Variants in CNTN1 observed in about 807,000 individuals in gnomAD.
The protein encoded by CNTN1 is contactin 1, also known as contactin-1.
CNTN1 carries 38 observed loss-of-function variants against 126.4 expected under a neutral mutation model. The observed-to-expected ratio is 0.30, with a 90% CI of 0.23 to 0.39. The LOEUF is 0.39. Among genes scored for constraint, CNTN1 ranks in the 10% least tolerant of loss-of-function variants. The pLI is 1.00. For missense variants in CNTN1, 1,009 were observed against 1,248.4 expected (o/e 0.81, Z 2.89); for synonymous variants, 413 against 422.6 (o/e 0.98, Z 0.28).
chr12:40,987,930 G>C (rs972975873), intron 16 of CNTN1, among the ~76,000 whole-genome samples: 1 of 146,640 alleles, frequency 6.8e-6, no homozygotes, highest in African/African-American at 2.5e-5. Context: ...TTGTAGGACA[G>C]TATCCTTTTT....
At chr12:40,847,353 T>C (rs927621324) in intron 1 of CNTN1, among the ~76,000 whole-genome samples, 2 of 152,192 alleles carry the variant, frequency 1.3e-5, no homozygotes, top group Non-Finnish European at 2.9e-5. Flanking sequence ...TATTAAAGTA[T>C]CTTAAACTTG....
intron 1 of CNTN1, among the ~76,000 whole-genome samples, chr12:40,738,934 T>G (rs1323854648): frequency 6.6e-6 from 1 of 152,046 alleles, no homozygotes; most frequent in Non-Finnish European, 1.5e-5. Context: ...TCACAGAAGA[T>G]TCATAGATTC....
In CNTN1 at chr12:40,971,677, T is replaced by A. The variant is rs554094685; in HGVS notation, c.1805-9232T>A. 4.2e-5 allele frequency: 60 copies of A among 1,427,718 alleles called. No individual in the cohort carries two copies. In the East Asian group the frequency reaches 1.5e-3, roughly 37 times the overall value. The allele number at this position is 1,427,718 out of a possible 1,614,324, so 88.4% of individuals were successfully genotyped here. ...CATGTAAACATACTTTGGGCATAAA[T>A]ATTTTTTAAAATATAACTATAATGC... is the stretch of plus-strand genomic sequence containing the variant. On this transcript the variant is annotated intron_variant, in intron 15 of 23. Coordinates refer to ENST00000551295, the MANE Select transcript of CNTN1 (RefSeq NM_001843.4).
At chr12:40,810,750 C>T (rs948876124) in intron 1 of CNTN1, among the ~76,000 whole-genome samples, 1 of 152,132 alleles carries the variant, frequency 6.6e-6, no homozygotes, top group Non-Finnish European at 1.5e-5. Context: ...GGAATAGTGG[C>T]TCATGCCTAT....
In CNTN1 at chr12:41,072,088, A is replaced by T. The variant is rs887475620; in HGVS notation, c.*2053A>T. The T allele has an allele frequency of 1.3e-4, 20 of 152,246 alleles. No homozygotes were observed. The highest frequency in any genetic ancestry group is 4.3e-4 in the African/African-American group (18 of 41,468). 9.4% of individuals were successfully genotyped at this position (152,246 alleles called of 1,614,324 possible). A position where few individuals can be genotyped will look rare whatever the true frequency, so the allele number is the denominator to read the frequency against. On this transcript the variant is annotated 3_prime_UTR_variant, in exon 24 of 24. Coordinates refer to ENST00000551295, the MANE Select transcript of CNTN1 (RefSeq NM_001843.4). Reference sequence around the variant, plus strand: ...GTAGTTTAAAATCTCTCGTACACTGATAACTCAAGCTTTTCATTTTCTCAT... The same window carrying T: ...GTAGTTTAAAATCTCTCGTACACTGTTAACTCAAGCTTTTCATTTTCTCAT...
At chr12:40,975,500 C>A (rs139028320) in intron 15 of CNTN1, among the ~76,000 whole-genome samples, 142 of 151,426 alleles carry the variant, frequency 9.4e-4, no homozygotes, top group African/African-American at 3.4e-3. Context: ...CTTTGAAGAA[C>A]CCCCAAGGTA....
At chr12:40,968,758 A>C (rs575441857) in intron 15 of CNTN1, among the ~76,000 whole-genome samples, 1 of 152,298 alleles carries the variant, frequency 6.6e-6, no homozygotes, top group East Asian at 1.9e-4. Context: ...ATTTTCAACT[A>C]TCAGTTATAA....
intron 19 of CNTN1, among the ~76,000 whole-genome samples, chr12:41,019,683 G>A (rs1003019405): frequency 2.0e-5 from 3 of 152,110 alleles, no homozygotes; most frequent in African/African-American, 7.2e-5. Context: ...TTGATGCCCA[G>A]TTGGAAGATT....
intron 17 of CNTN1, among the ~76,000 whole-genome samples, chr12:41,002,266 C>T (rs1083206): frequency 0.068 from 10,377 of 152,054 alleles, 730 homozygotes; most frequent in African/African-American, 0.18. Flanking sequence ...TTTCTATCCA[C>T]GAGCATGGAA....
At chr12:40,832,540 T>C (rs1229648469) in intron 1 of CNTN1, among the ~76,000 whole-genome samples, 7 of 152,132 alleles carry the variant, frequency 4.6e-5, no homozygotes, top group African/African-American at 1.7e-4. Flanking sequence ...TAGGTTTGCG[T>C]TAAGTACACT....
At chr12:40,860,706 C>T (rs1943085951) in intron 1 of CNTN1, among the ~76,000 whole-genome samples, 1 of 152,134 alleles carries the variant, frequency 6.6e-6, no homozygotes. Flanking sequence ...CATACTCTCT[C>T]TAGGCATGCC....
At chr12:40,960,022 T>C (rs1278421131) in intron 15 of CNTN1, among the ~76,000 whole-genome samples, 2 of 152,116 alleles carry the variant, frequency 1.3e-5, no homozygotes, top group Non-Finnish European at 2.9e-5. Flanking sequence ...TCCTTCCATG[T>C]CTTTTTCTCA....
At chr12:40,746,322 T>A (rs1030043173) in intron 1 of CNTN1, among the ~76,000 whole-genome samples, 10 of 152,112 alleles carry the variant, frequency 6.6e-5, no homozygotes, top group African/African-American at 2.2e-4. Flanking sequence ...TATTATTCAC[T>A]AAAGAATCAA....
In CNTN1 at chr12:40,914,326, C is replaced by T. The variant is rs145323633; in HGVS notation, c.94+4221C>T. 4.4e-3 allele frequency among the ~76,000 whole-genome samples: 671 copies of T among 152,146 alleles called. 2 individuals carry two copies. The highest frequency in any genetic ancestry group is 0.01 in the South Asian group (49 of 4,808). ...AGCACCCTAGTTGAGCTAGCGTGGT[C>T]GGAAACTAAGGTACAGCCTGCGAGG... On this transcript the variant is annotated intron_variant, in intron 3 of 23. Transcript: ENST00000551295.
chr12:40,914,348 G>A (rs528989908), intron 3 of CNTN1, among the ~76,000 whole-genome samples: 7 of 152,264 alleles, frequency 4.6e-5, no homozygotes, highest in East Asian at 1.9e-4. Context: ...TACAGCCTGC[G>A]AGGGAGACAT....
chr12:40,973,833 A>G (rs1398394823), intron 15 of CNTN1, among the ~76,000 whole-genome samples: 1 of 152,178 alleles, frequency 6.6e-6, no homozygotes, highest in African/African-American at 2.4e-5. Flanking sequence ...GGGTGTAGTC[A>G]CAGCTACTTT....
chr12:40,876,704 A>C (rs73275609), intron 1 of CNTN1, among the ~76,000 whole-genome samples: 8,394 of 152,208 alleles, frequency 0.055, 407 homozygotes, highest in African/African-American at 0.13. Flanking sequence ...ATATGTATAT[A>C]TAATAACTTT....
intron 6 of CNTN1, among the ~76,000 whole-genome samples, chr12:40,926,158 T>C (rs1423103196): frequency 7.9e-6 from 1 of 126,110 alleles, no homozygotes; most frequent in African/African-American, 3.0e-5. Flanking sequence ...CCATGTTAGA[T>C]ATTGCTAAAT....
At chr12:40,739,504 T>C (rs988239586) in intron 1 of CNTN1, among the ~76,000 whole-genome samples, 1 of 152,110 alleles carries the variant, frequency 6.6e-6, no homozygotes, top group African/African-American at 2.4e-5. Context: ...ATTCAAATTG[T>C]ATATCATATG....
Sources: gnomAD v4.1 joint callset for allele counts (sites outside exome capture counted in the v4.1 genomes callset) on GRCh38, gnomAD v4.1.1 for gene constraint, MANE v1.5 for transcripts, NCBI Gene and HGNC (gene_info 2026-07-23, HGNC 2026-07-21) for gene names.